PDE4DIP: variants seen among roughly 807,000 people sequenced by gnomAD.
PDE4DIP encodes the protein phosphodiesterase 4D interacting protein, also known as myomegalin.
A neutral mutation model predicts 221.4 loss-of-function variants in PDE4DIP; 59 were observed. The observed-to-expected ratio is 0.27, with a 90% CI of 0.22 to 0.33. The LOEUF (loss-of-function observed/expected upper bound fraction) is 0.33, where lower values mean the gene tolerates loss of function less well. Ranked by LOEUF, PDE4DIP falls within the 10% of genes least tolerant of loss-of-function variation. The pLI is 1.00. For synonymous variants in PDE4DIP, 404 were observed against 815.9 expected (o/e 0.50, Z 8.60); for missense variants, 1,036 against 2,154.2 (o/e 0.48, Z 10.28).
chr1:148,927,910 C>G (rs1553466787), intron 1 of PDE4DIP, among the ~76,000 whole-genome samples: 2 of 149,256 alleles, frequency 1.3e-5, no homozygotes, highest in Non-Finnish European at 3.0e-5. Flanking sequence ...CTGGAAATTT[C>G]AGCATTGTCT....
chr1:148,965,593 A>T lies in PDE4DIP; in HGVS notation c.1304A>T (p.Asn435Ile), dbSNP rs1168527182. The T allele has an allele frequency of 7.8e-6, 8 of 1,023,368 alleles. No homozygotes were observed. The East Asian group carries it at 1.9e-4, about 24-fold the overall frequency. 63.4% of individuals were successfully genotyped at this position (1,023,368 alleles called of 1,614,324 possible). A position where few individuals can be genotyped will look rare whatever the true frequency, so the allele number is the denominator to read the frequency against. Residue 435 changes from asparagine to isoleucine, a missense_variant, in exon 10 of 44, where the codon AAC becomes ATC. Transcript: ENST00000369354. The stretch of plus-strand genomic sequence containing the variant: ...AATGAGATTCGAACCCAGGAACAAA[A>T]CATCCAGCACCTAAACCATAGTCTG...
At chr1:149,018,387 A>G (rs2071438966) in intron 34 of PDE4DIP, 155 bp from the exon 38 acceptor site, 1 of 457,742 alleles carries the variant, frequency 2.2e-6, no homozygotes, top group Non-Finnish European at 4.0e-6. Context: ...GAGAAGAGGC[A>G]CACAGAAAAC....
At chr1:148,988,086 AAG>A (rs1316817680) in intron 21 of PDE4DIP, among the ~76,000 whole-genome samples, 1 of 152,184 alleles carries the variant, frequency 6.6e-6, no homozygotes, top group Non-Finnish European at 1.5e-5. Flanking sequence ...GCAGAGAGCA[AAG>A]AGTGTCATTT....
At chr1:148,820,337 G>A (rs111468494) in intron 1 of PDE4DIP, among the ~76,000 whole-genome samples, 14 of 134,384 alleles carry the variant, frequency 1.0e-4, no homozygotes, top group African/African-American at 2.6e-4. Flanking sequence ...GAGGCCTAGC[G>A]GGGCAGATCA....
intron 1 of PDE4DIP, among the ~76,000 whole-genome samples, chr1:148,846,377 A>G: frequency 1.5e-5 from 1 of 65,242 alleles, no homozygotes. Context: ...CCGGGAGGAG[A>G]AGTTTGTGGT....
chr1:148,911,950 C>G (rs1253202582), intron 1 of PDE4DIP, among the ~76,000 whole-genome samples: 2 of 148,686 alleles, frequency 1.3e-5, no homozygotes, highest in Non-Finnish European at 3.0e-5. Flanking sequence ...GAGTGACATT[C>G]CTTCACCTTT....
chr1:149,022,960 TA>T (rs1226177118), intron 37 of PDE4DIP, among the ~76,000 whole-genome samples: 31 of 152,330 alleles, frequency 2.0e-4, no homozygotes, highest in Non-Finnish European at 3.4e-4. Flanking sequence ...AAACATCTCT[TA>T]AAAAATAAGC....
At chr1:148,922,669 GC>G (rs2045700628) in intron 1 of PDE4DIP, among the ~76,000 whole-genome samples, 1 of 148,426 alleles carries the variant, frequency 6.7e-6, no homozygotes, top group African/African-American at 2.5e-5. Flanking sequence ...CGCATTGCAA[GC>G]TCCGACTCCT....
chr1:148,944,286 A>T (rs2051126362), intron 5 of PDE4DIP, among the ~76,000 whole-genome samples: 2 of 152,092 alleles, frequency 1.3e-5, no homozygotes, highest in Non-Finnish European at 2.9e-5. Flanking sequence ...TAGTGATAGA[A>T]AAGAATATTC....
exon 23 of PDE4DIP, chr1:148,998,338 A>C: frequency 6.3e-7 from 1 of 1,599,460 alleles, no homozygotes; most frequent in South Asian, 1.1e-5. Context: ...AAAGGCTCAA[A>C]TTGAGGAAGC....
chr1:148,978,466 T>TA, intron 19 of PDE4DIP, 51 bp downstream of exon 22: 25 of 1,292,260 alleles, frequency 1.9e-5, no homozygotes, highest in Admixed American at 2.2e-5. Flanking sequence ...TTTTTTGTAT[T>TA]CTTTTTTTTT....
chr1:149,020,755 G>T (rs1446339072), intron 36 of PDE4DIP: 3 of 449,418 alleles, frequency 6.7e-6, no homozygotes, highest in Non-Finnish European at 1.2e-5. Context: ...GAACAGTAAG[G>T]AGACTGTGCT....
At chr1:148,990,325 CCT>C (rs2062767986) in intron 21 of PDE4DIP, 1 of 985,150 alleles carries the variant, frequency 1.0e-6, no homozygotes. Flanking sequence ...AAACAAAACC[CCT>C]GTGTGGCAGT....
exon 23 of PDE4DIP, chr1:148,998,259 C>T (rs1553568499): frequency 1.2e-6 from 2 of 1,609,692 alleles, no homozygotes; most frequent in South Asian, 2.2e-5. Flanking sequence ...AAGAAATGCT[C>T]CACCTGAGGG....
At chr1:148,827,658 CA>C (rs1379863573) in intron 1 of PDE4DIP, among the ~76,000 whole-genome samples, 86 of 115,280 alleles carry the variant, frequency 7.5e-4, no homozygotes, top group Non-Finnish European at 1.4e-3. Context: ...ATCTTACTCT[CA>C]AATGGTTCAT....
rs374878480 is a variant in PDE4DIP at position 149,009,530 on chromosome 1, A to G, written c.4704-38A>G. 1.3e-3 allele frequency: 1,793 copies of G among 1,410,960 alleles called. 27 individuals are homozygous for G. In the South Asian group the frequency reaches 0.015, roughly 12 times the overall value. 87.4% of individuals were successfully genotyped at this position (1,410,960 alleles called of 1,614,324 possible). ...TAGTCAGGACAGGTTGGCTTCGGTG[A>G]CCTTGGTTTTACCCGTTGTCCCCCT... On this transcript the variant is annotated intron_variant, in intron 29 of 43. Coordinates refer to ENST00000369354, the Ensembl canonical transcript of PDE4DIP.
intron 1 of PDE4DIP, among the ~76,000 whole-genome samples, chr1:148,927,862 C>T (rs1163939914): frequency 1.3e-5 from 2 of 152,066 alleles, no homozygotes; most frequent in African/African-American, 4.8e-5. Context: ...ACAAACCTGC[C>T]CCTATTTTAG....
intron 37 of PDE4DIP, among the ~76,000 whole-genome samples, chr1:149,023,212 T>C (rs1266639135): frequency 6.6e-6 from 1 of 152,178 alleles, no homozygotes; most frequent in Non-Finnish European, 1.5e-5. Flanking sequence ...ATTTTTCAAA[T>C]ACTCATTTAG....
chr1:149,020,638 A>T (rs1217339438), intron 36 of PDE4DIP: 1 of 369,348 alleles, frequency 2.7e-6, no homozygotes, highest in Non-Finnish European at 5.0e-6. Context: ...CCAATTAGAT[A>T]TAGGACATTA....
Sources: gnomAD v4.1 joint callset for allele counts (sites outside exome capture counted in the v4.1 genomes callset) on GRCh38, gnomAD v4.1.1 for gene constraint, MANE v1.5 for transcripts, NCBI Gene and HGNC (gene_info 2026-07-23, HGNC 2026-07-21) for gene names.